The following COL21A1 variants were observed in gnomAD, a reference collection of about 807,000 sequenced individuals.
COL21A1 encodes collagen alpha-1(XXI) chain.
In COL21A1, 149 loss-of-function variants were observed where a neutral mutation model predicts 137.9. The observed-to-expected ratio is 1.08, with a 90% confidence interval of 0.95 to 1.24. The LOEUF (loss-of-function observed/expected upper bound fraction) is 1.24, where lower values mean the gene tolerates loss of function less well. COL21A1 is among the 50% of genes most tolerant of loss of function. The pLI is 0.00. For synonymous variants in COL21A1, 456 were observed against 391.5 expected, an observed-to-expected ratio of 1.16 and a Z score of -1.95; for missense variants, 1,167 against 1,158.4, an observed-to-expected ratio of 1.01 and a Z score of -0.11.
At chr6:56,068,259 T>C (rs907719016) in intron 22 of COL21A1, among the ~76,000 whole-genome samples, 1 of 151,506 alleles carries the variant, frequency 6.6e-6, no homozygotes, top group Admixed American at 6.6e-5. Context: ...AAATAAGATG[T>C]TGAAAAATAA....
chr6:56,089,439 A>G (rs1170864836), intron 17 of COL21A1, among the ~76,000 whole-genome samples: 2 of 152,204 alleles, frequency 1.3e-5, no homozygotes, highest in Non-Finnish European at 2.9e-5. Flanking sequence ...CACTCATGGC[A>G]TAACTTTTTA....
In COL21A1 at chr6:56,062,134, G is replaced by A. The variant is rs79178944; in HGVS notation, c.2173-453C>T. On this transcript the variant is annotated intron_variant, in intron 24 of 29. Transcript: ENST00000244728. The stretch of plus-strand genomic sequence containing the variant: ...ATTGGTTGCTATTGACAAAGGATGG[G>A]TTAAAGCAAAGATACCATTAAAAGT... 7.0e-3 allele frequency among the ~76,000 whole-genome samples: 1,068 copies of A among 152,194 alleles called. 13 individuals are homozygous for A. The highest frequency in any genetic ancestry group is 0.024 in the African/African-American group (1,000 of 41,530).
intron 1 of COL21A1, chr6:56,276,904 T>C: frequency 2.5e-6 from 1 of 406,104 alleles, no homozygotes; most frequent in South Asian, 2.7e-5. Flanking sequence ...GCCTCCCGGG[T>C]TCACGCCATT....
intron 20 of COL21A1, among the ~76,000 whole-genome samples, chr6:56,070,999 T>C (rs1766696718): frequency 6.6e-6 from 1 of 151,566 alleles, no homozygotes; most frequent in South Asian, 2.1e-4. Flanking sequence ...CACATATTCA[T>C]AAGCCTCTCT....
chr6:56,252,618 C>A (rs1332787593), intron 1 of COL21A1, among the ~76,000 whole-genome samples: 1 of 152,158 alleles, frequency 6.6e-6, no homozygotes. Flanking sequence ...CTACATTTTC[C>A]TTTTCATATA....
At chr6:56,205,317 G>C (rs1005789891) in intron 1 of COL21A1, among the ~76,000 whole-genome samples, 4 of 152,082 alleles carry the variant, frequency 2.6e-5, no homozygotes, top group East Asian at 1.9e-4. Context: ...AAAAACACAG[G>C]ACGAGAACTT....
chr6:56,063,978 G>A (rs17817455), intron 24 of COL21A1, among the ~76,000 whole-genome samples: 9,411 of 152,046 alleles, frequency 0.062, 364 homozygotes, highest in Admixed American at 0.1. Context: ...GCCTTTGTCC[G>A]TCCACTTTGG....
chr6:56,252,920 C>CA (rs1283055087), intron 1 of COL21A1, among the ~76,000 whole-genome samples: 1 of 152,170 alleles, frequency 6.6e-6, no homozygotes, highest in African/African-American at 2.4e-5. Context: ...TATCTCCTTT[C>CA]AACAACAATA....
chr6:56,114,349 T>A (rs1429852731), intron 16 of COL21A1, among the ~76,000 whole-genome samples: 1 of 152,196 alleles, frequency 6.6e-6, no homozygotes, highest in Non-Finnish European at 1.5e-5. Flanking sequence ...CAGCTTTAGG[T>A]GTATCAGAAC....
At chr6:56,332,708 A>G (rs1765257631) in intron 1 of COL21A1, among the ~76,000 whole-genome samples, 1 of 151,844 alleles carries the variant, frequency 6.6e-6, no homozygotes, top group Admixed American at 6.6e-5. Context: ...CTCCATGTCA[A>G]TTAACTAGAT....
chr6:56,221,253 A>G (rs79938537), intron 1 of COL21A1, among the ~76,000 whole-genome samples: 10,358 of 152,134 alleles, frequency 0.068, 418 homozygotes, highest in South Asian at 0.12. Flanking sequence ...CTCTATTAGA[A>G]ATCACTGATT....
chr6:56,124,006 C>A, intron 16 of COL21A1, 56 bp downstream of exon 16: 1 of 1,379,732 alleles, frequency 7.2e-7, no homozygotes, highest in Non-Finnish European at 9.7e-7. Context: ...TCTTATGTTT[C>A]CTCTCAAGAT....
chr6:56,382,516 T>A (rs915424805), intron 1 of COL21A1, among the ~76,000 whole-genome samples: 9 of 152,144 alleles, frequency 5.9e-5, no homozygotes, highest in Admixed American at 3.9e-4. Context: ...AGCCCTAACC[T>A]TCAAAGGGAC....
At chr6:56,362,628 C>A (rs1271289066) in intron 1 of COL21A1, among the ~76,000 whole-genome samples, 1 of 152,118 alleles carries the variant, frequency 6.6e-6, no homozygotes, top group Non-Finnish European at 1.5e-5. Flanking sequence ...GCTCCTCCCC[C>A]AGTCCACTTA....
At chr6:56,091,464 A>G (rs762521024) in intron 17 of COL21A1, 2 of 152,614 alleles carry the variant, frequency 1.3e-5, no homozygotes, top group African/African-American at 2.4e-5. Context: ...TAAAACTGCT[A>G]AGGCCATCCT....
intron 1 of COL21A1, among the ~76,000 whole-genome samples, chr6:56,282,586 G>A (rs1173229957): frequency 6.6e-6 from 1 of 152,200 alleles, no homozygotes; most frequent in Admixed American, 6.5e-5. Context: ...TCTGTGGTCA[G>A]AACAGCATGC....
intron 1 of COL21A1, among the ~76,000 whole-genome samples, chr6:56,355,901 C>G: frequency 6.6e-6 from 1 of 152,170 alleles, no homozygotes; most frequent in East Asian, 1.9e-4. Flanking sequence ...ACTCATTACT[C>G]TCCTAAACAT....
intron 1 of COL21A1, among the ~76,000 whole-genome samples, chr6:56,313,978 C>A (rs932953511): frequency 1.3e-5 from 2 of 152,096 alleles, no homozygotes; most frequent in African/African-American, 4.8e-5. Flanking sequence ...ACTCTGAAAT[C>A]AATAAAGAAG....
intron 1 of COL21A1, among the ~76,000 whole-genome samples, chr6:56,373,859 C>T (rs543870143): frequency 7.2e-5 from 11 of 152,226 alleles, no homozygotes; most frequent in South Asian, 2.1e-4. Context: ...TTCTGTGTAA[C>T]GGAAATTGTA....
Sources: gnomAD v4.1 joint callset for allele counts (sites outside exome capture counted in the v4.1 genomes callset) on GRCh38, gnomAD v4.1.1 for gene constraint, MANE v1.5 for transcripts, NCBI Gene and HGNC (gene_info 2026-07-23, HGNC 2026-07-21) for gene names.